Variants in SASH1 observed in about 807,000 individuals in gnomAD.
SASH1 encodes SAM and SH3 domain-containing protein 1.
A neutral mutation model predicts 125.2 loss-of-function variants in SASH1; 44 were observed. The ratio of observed to expected loss-of-function variants is 0.35; its 90% CI spans 0.28 to 0.45. The LOEUF (loss-of-function observed/expected upper bound fraction) is 0.45. SASH1 is among the 20% of genes least tolerant of loss of function. The pLI, the probability that SASH1 is intolerant of heterozygous loss-of-function variation, is 1.00. For synonymous variants in SASH1, 639 were observed against 649.1 expected (o/e 0.98, Z 0.24); for missense variants, 1,426 against 1,614.5 (o/e 0.88, Z 2.00).
chr6:148,406,627 A>G (rs1186129289), intron 2 of SASH1, among the ~76,000 whole-genome samples: 1 of 152,236 alleles, frequency 6.6e-6, no homozygotes, highest in Non-Finnish European at 1.5e-5. Context: ...CAGGTGAAGC[A>G]AGGTGCCAAG....
At chr6:148,387,553 CTTTCTTTCTTTTCT>C (rs1783435849) in intron 1 of SASH1, among the ~76,000 whole-genome samples, 1 of 112,838 alleles carries the variant, frequency 8.9e-6, no homozygotes, top group Non-Finnish European at 1.8e-5. Context: ...TTTTCTTTTC[CTTTCTTTCTTTTCT>C]CTTTCTTTCT....
rs115719795 is a variant in SASH1, at chr6:148,466,887, C to T, written c.387-1658C>T. On this transcript the variant is annotated intron_variant, in intron 4 of 19. Coordinates refer to ENST00000367467, the MANE Select transcript of SASH1 (RefSeq NM_015278.5). ...TTCCCTAGCCTTCAGATGCAAAAAT[C>T]ACCTCTTCCATCTTCCTTCCTGGTG... 2.2e-3 allele frequency among the ~76,000 whole-genome samples: 330 copies of T among 152,156 alleles called. 1 individual carries two copies. Among genetic ancestry groups the T allele is most frequent in the African/African-American group, 7.6e-3 (316 of 41,498 alleles).
At chr6:148,525,392 A>T in intron 11 of SASH1, 27 bp downstream of exon 11, 1 of 1,540,980 alleles carries the variant, frequency 6.5e-7, no homozygotes, top group Non-Finnish European at 9.0e-7. Context: ...GAAAGCAAAA[A>T]ATATGGATTC....
At chr6:148,492,510 A>G (rs1281105257) in intron 8 of SASH1, among the ~76,000 whole-genome samples, 7 of 152,216 alleles carry the variant, frequency 4.6e-5, no homozygotes, top group African/African-American at 1.7e-4. Flanking sequence ...TATGCTGTAG[A>G]GCAGAGGTTA....
intron 7 of SASH1, among the ~76,000 whole-genome samples, chr6:148,474,782 G>C (rs1163594191): frequency 6.6e-6 from 1 of 152,114 alleles, no homozygotes; most frequent in Non-Finnish European, 1.5e-5. Context: ...ATGTTGCCCA[G>C]GCTGGTCTCA....
At chr6:148,538,353 C>A (rs1185145044) in intron 16 of SASH1, among the ~76,000 whole-genome samples, 1 of 152,172 alleles carries the variant, frequency 6.6e-6, no homozygotes, top group East Asian at 1.9e-4. Flanking sequence ...AGTACACCGA[C>A]TCCTCTCCCT....
chr6:148,240,666 C>T, the SASH1 span, among the ~76,000 whole-genome samples: 92 of 152,262 alleles, frequency 6.0e-4, no homozygotes, highest in African/African-American at 1.9e-3. Flanking sequence ...TTTCTCTATG[C>T]GTCAGGGCTC....
At chr6:148,429,850 A>G (rs535423253) in intron 2 of SASH1, among the ~76,000 whole-genome samples, 31 of 152,214 alleles carry the variant, frequency 2.0e-4, no homozygotes, top group Non-Finnish European at 4.6e-4. Context: ...AACATTCTCA[A>G]GGGGATGTCC....
Position 148,487,690 on chromosome 6 carries a change from C to G in SASH1, c.704C>G (p.Thr235Arg). 3 of 1,613,080 alleles carry G rather than the reference C, an allele frequency of 1.9e-6. No homozygotes were observed. The Admixed American group carries it at 5.0e-5, about 27-fold the overall frequency. Reference sequence around the variant, plus strand: ...GACTGGCCAGATGGTTCTTACCCAACGTTTGATGGCTCATCAAACTGCAAT... The same window carrying G: ...GACTGGCCAGATGGTTCTTACCCAAGGTTTGATGGCTCATCAAACTGCAAT... ...PADWPDGSYP[T>R]FDGSSNCNSR... Residue 235 changes from threonine to arginine, a missense_variant, in exon 8 of 20, where the codon ACG becomes AGG. By Grantham distance (71) the Thr-to-Arg change is moderately conservative. Around this residue, in one of 3 missense-constraint regions of SASH1, gnomAD observed 567 missense variants for 575.6 expected, o/e 0.99. Transcript: ENST00000367467.
At chr6:148,531,333 A>AAAT (rs1264288121) in intron 12 of SASH1, among the ~76,000 whole-genome samples, 193 bp from the exon 13 acceptor site, 1 of 152,222 alleles carries the variant, frequency 6.6e-6, no homozygotes, top group East Asian at 1.9e-4. Flanking sequence ...AGTGCTTAAT[A>AAAT]AATAGTGACA....
chr6:148,463,699 C>T (rs960670458), intron 4 of SASH1, among the ~76,000 whole-genome samples: 1 of 152,062 alleles, frequency 6.6e-6, no homozygotes, highest in South Asian at 2.1e-4. Flanking sequence ...ACTCACATGT[C>T]CAACTGTTTC....
chr6:148,481,237 G>A (rs1436015638), intron 7 of SASH1, among the ~76,000 whole-genome samples: 3 of 152,112 alleles, frequency 2.0e-5, no homozygotes, highest in Admixed American at 1.3e-4. Flanking sequence ...ACTGAAAAGA[G>A]TTAGGGCCTT....
intron 7 of SASH1, among the ~76,000 whole-genome samples, chr6:148,484,722 C>T (rs919191068): frequency 1.3e-5 from 2 of 152,106 alleles, no homozygotes; most frequent in African/African-American, 4.8e-5. Flanking sequence ...AGGTGGATCA[C>T]TTGAGCCCAG....
chr6:148,462,341 C>A (rs1195438422), intron 4 of SASH1, among the ~76,000 whole-genome samples: 1 of 150,538 alleles, frequency 6.6e-6, no homozygotes, highest in Non-Finnish European at 1.5e-5. Context: ...TTCTGGACAG[C>A]TCATCAAAGC....
chr6:148,426,094 A>G (rs1197016005), intron 2 of SASH1, among the ~76,000 whole-genome samples: 1 of 152,090 alleles, frequency 6.6e-6, no homozygotes, highest in African/African-American at 2.4e-5. Context: ...CTGTAATCCC[A>G]GCTACTGGGG....
At chr6:148,296,661 C>T (rs188656458) in intron 1 of SASH1, among the ~76,000 whole-genome samples, 23 of 152,302 alleles carry the variant, frequency 1.5e-4, no homozygotes, top group South Asian at 1.0e-3. Context: ...CAAAAGGCAG[C>T]ATGCTGGGAC....
At chr6:148,404,306 A>G (rs574078609) in intron 2 of SASH1, among the ~76,000 whole-genome samples, 2 of 152,322 alleles carry the variant, frequency 1.3e-5, no homozygotes, top group Admixed American at 6.5e-5. Context: ...ACTTCTAATT[A>G]GAGGAAGAAA....
the SASH1 span, among the ~76,000 whole-genome samples, chr6:148,247,333 T>G: frequency 3.3e-5 from 5 of 152,102 alleles, no homozygotes; most frequent in Admixed American, 2.6e-4. Flanking sequence ...TTGGTAAGCA[T>G]GAAATAGAAG....
upstream of SASH1, among the ~76,000 whole-genome samples, chr6:148,271,988 G>A (rs1779073645): frequency 6.6e-6 from 1 of 152,026 alleles, no homozygotes; most frequent in African/African-American, 2.4e-5. Flanking sequence ...TAAAATATCT[G>A]GATTTCTATT....
Sources: gnomAD v4.1 joint callset for allele counts (sites outside exome capture counted in the v4.1 genomes callset) on GRCh38, gnomAD v4.1.1 for gene constraint, gnomAD v4.1.1 regional missense constraint, MANE v1.5 for transcripts, NCBI Gene and HGNC (gene_info 2026-07-23, HGNC 2026-07-21) for gene names.